The following ST3GAL3 variants were observed in gnomAD, a reference collection of about 807,000 sequenced individuals.
ST3GAL3 encodes the protein ST3 beta-galactoside alpha-2,3-sialyltransferase 3, also known as CMP-N-acetylneuraminate-beta-1,4-galactoside alpha-2,3-sialyltransferase.
In ST3GAL3, 21 loss-of-function variants were observed where a neutral mutation model predicts 50.1. The observed-to-expected ratio is 0.42, with a 90% CI of 0.30 to 0.60. The LOEUF is 0.60. Ranked by LOEUF, ST3GAL3 falls within the 20% of genes least tolerant of loss-of-function variation. The probability of loss-of-function intolerance (pLI) is 0.19; values close to 1 mark genes in which losing one functional copy is unlikely to be tolerated. For synonymous variants in ST3GAL3, 183 were observed against 190.0 expected, an observed-to-expected ratio of 0.96 and a Z score of 0.30; for missense variants, 353 against 489.4, an observed-to-expected ratio of 0.72 and a Z score of 2.63.
chr1:43,828,007 A>T (rs1489243923), intron 4 of ST3GAL3, among the ~76,000 whole-genome samples: 1 of 152,236 alleles, frequency 6.6e-6, no homozygotes, highest in Non-Finnish European at 1.5e-5. Context: ...ACCTACAATA[A>T]AGCTATCAAG....
intron 4 of ST3GAL3, among the ~76,000 whole-genome samples, chr1:43,818,272 C>A (rs1409125660): frequency 6.6e-6 from 1 of 152,152 alleles, no homozygotes; most frequent in Non-Finnish European, 1.5e-5. Flanking sequence ...TATTAATAAA[C>A]CTACACCCCC....
At chr1:43,855,683 C>G (rs2068220092) in intron 5 of ST3GAL3, among the ~76,000 whole-genome samples, 1 of 151,600 alleles carries the variant, frequency 6.6e-6, no homozygotes, top group South Asian at 2.1e-4. Flanking sequence ...CTCTAAAACC[C>G]TGAAAATCAC....
intron 2 of ST3GAL3, among the ~76,000 whole-genome samples, chr1:43,758,699 G>A (rs1689048626): frequency 6.6e-6 from 1 of 152,088 alleles, no homozygotes; most frequent in Non-Finnish European, 1.5e-5. Flanking sequence ...ACCACAACAA[G>A]AATAGAAAGT....
At chr1:43,853,127 A>C (rs182021414) in intron 5 of ST3GAL3, among the ~76,000 whole-genome samples, 10 of 152,320 alleles carry the variant, frequency 6.6e-5, no homozygotes, top group African/African-American at 2.2e-4. Context: ...GGTGAAAGAC[A>C]TGATTGAGTG....
chr1:43,879,250 G>A (rs2074672940), intron 5 of ST3GAL3: 2 of 455,948 alleles, frequency 4.4e-6, no homozygotes, highest in Non-Finnish European at 8.8e-6. Context: ...GCTGTAACAG[G>A]GTGAGGAAGG....
chr1:43,880,734 A>G (rs551850224), intron 5 of ST3GAL3, among the ~76,000 whole-genome samples: 4 of 152,172 alleles, frequency 2.6e-5, no homozygotes, highest in East Asian at 1.9e-4. Context: ...CCATTCCCCA[A>G]TAGTGTGTTC....
At chr1:43,898,853 G>A (rs1437775456) in intron 7 of ST3GAL3, among the ~76,000 whole-genome samples, 1 of 152,020 alleles carries the variant, frequency 6.6e-6, no homozygotes, top group Non-Finnish European at 1.5e-5. Flanking sequence ...TACCCCTTGG[G>A]GAACCTTTAC....
rs188671615 is a variant in ST3GAL3, at chr1:43,901,006, C to T, written c.744+1279C>T. Among the ~76,000 whole-genome samples the T allele has an allele frequency of 4.8e-3, 736 of 152,366 alleles. 4 individuals carry two copies. The highest frequency in any genetic ancestry group is 5.5e-3 in the Non-Finnish European group (377 of 68,042). ...AAGCAGGCCCACTGCCCACACAGAC[C>T]AGGTAAATAACAGCGGTTCCAGGAG... On this transcript the variant is annotated intron_variant, in intron 9 of 11. Coordinates refer to ENST00000347631, the MANE Select transcript of ST3GAL3 (RefSeq NM_006279.5).
At chr1:43,828,736 AAACC>A (rs1273546692) in intron 4 of ST3GAL3, among the ~76,000 whole-genome samples, 2 of 152,214 alleles carry the variant, frequency 1.3e-5, no homozygotes, top group Admixed American at 1.3e-4. Flanking sequence ...GACTAAAAAA[AAACC>A]AAAAAACCTG....
chr1:43,880,046 A>G (rs1163744970), intron 5 of ST3GAL3, among the ~76,000 whole-genome samples: 1 of 152,172 alleles, frequency 6.6e-6, no homozygotes, highest in Admixed American at 6.5e-5. Context: ...CCAGGGGAGC[A>G]TGAATTGGTC....
chr1:43,850,480 G>A (rs377466195), intron 5 of ST3GAL3: 63 of 612,430 alleles, frequency 1.0e-4, no homozygotes, highest in African/African-American at 8.2e-4. Context: ...TGGATAAAGT[G>A]GGCTACCTTT....
chr1:43,740,337 CAA>C (rs879854207), intron 2 of ST3GAL3, among the ~76,000 whole-genome samples: 20 of 77,418 alleles, frequency 2.6e-4, no homozygotes, highest in Non-Finnish European at 1.9e-4. Context: ...GACTCAGTCT[CAA>C]AAAAAAAAAA....
At chr1:43,851,761 A>C in intron 5 of ST3GAL3, 2 of 838,814 alleles carry the variant, frequency 2.4e-6, no homozygotes, top group East Asian at 2.5e-5. Context: ...GCCGGAACAC[A>C]GCCCCGCACA....
At chr1:43,778,974 C>T (rs1698411591) in intron 2 of ST3GAL3, among the ~76,000 whole-genome samples, 1 of 147,892 alleles carries the variant, frequency 6.8e-6, no homozygotes, top group African/African-American at 2.5e-5. Context: ...CAGAGTTTTG[C>T]TCTTGTCATC....
intron 1 of ST3GAL3, among the ~76,000 whole-genome samples, chr1:43,734,878 C>T (rs920128167): frequency 6.6e-6 from 1 of 151,922 alleles, no homozygotes; most frequent in African/African-American, 2.4e-5. Context: ...GGTTGAGGGC[C>T]TGACCCAGGG....
intron 9 of ST3GAL3, chr1:43,914,469 G>A (rs1229028921): frequency 6.6e-6 from 1 of 152,190 alleles, no homozygotes. Context: ...GATACAAATG[G>A]TGTGGTGGAA....
rs548352030 is a variant in ST3GAL3 at position 43,746,447 on chromosome 1, A to G, written c.118+10067A>G. 8.1e-5 allele frequency among the ~76,000 whole-genome samples: 12 copies of G among 149,044 alleles called. No homozygotes were observed. In the South Asian group the frequency reaches 2.6e-3, roughly 32 times the overall value. On this transcript the variant is annotated intron_variant, in intron 2 of 11. Transcript: ENST00000347631. The stretch of plus-strand genomic sequence containing the variant: ...AATGTACTTGATGCCACAGATGTGT[A>G]AACTTAAAATGGTAATTTTTTTTTT...
chr1:43,794,086 GAAA>G (rs11342279), intron 3 of ST3GAL3, among the ~76,000 whole-genome samples: 10 of 122,192 alleles, frequency 8.2e-5, no homozygotes, highest in African/African-American at 9.3e-5. Context: ...CCTGTCTCTG[GAAA>G]AAAAAAAAAA....
At chr1:43,905,968 T>C (rs1224298994) in intron 9 of ST3GAL3, among the ~76,000 whole-genome samples, 7 of 21,624 alleles carry the variant, frequency 3.2e-4, no homozygotes, top group African/African-American at 5.9e-4. Flanking sequence ...CACTCTCCCC[T>C]CTCCTCCTCC....
Sources: allele counts gnomAD v4.1 joint callset (sites outside exome capture counted in the v4.1 genomes callset), GRCh38; gene constraint gnomAD v4.1.1; transcripts MANE v1.5; gene names NCBI Gene and HGNC (gene_info 2026-07-23, HGNC 2026-07-21).